The following ZNF79 variants were observed in gnomAD, a reference collection of about 807,000 sequenced individuals.
The protein encoded by ZNF79 is ZNFpT7.
In ZNF79, 13 loss-of-function variants were observed where a neutral mutation model predicts 14.9. That is an observed-to-expected ratio of 0.87 (90% CI 0.57 to 1.38). ZNF79 has a LOEUF of 1.38. Ranked by LOEUF, ZNF79 falls within the 40% of genes most tolerant of loss-of-function variation. ZNF79 has a pLI of 0.00. For synonymous variants in ZNF79, 223 were observed against 235.1 expected (o/e 0.95, Z 0.47); for missense variants, 631 against 630.6 (o/e 1.00, Z -0.01).
At position 127,431,998 on chromosome 9, in the gene ZNF79, G is replaced by A. The variant is rs185916009; in HGVS notation, c.105+3078G>A. Among the ~76,000 whole-genome samples, 3 of 152,290 alleles carry A rather than the reference G, an allele frequency of 2.0e-5. No homozygotes were observed. In the East Asian group the frequency reaches 5.8e-4, roughly 29 times the overall value. On this transcript the variant is annotated intron_variant, in intron 2 of 4. Coordinates refer to ENST00000342483, the MANE Select transcript of ZNF79 (RefSeq NM_007135.3). ...GTTTGTTTCACGTAGTCCTATGAGA[G>A]TAGGAACTGTCCTTTTTTCTTGACT...
At chr9:127,427,160 G>A (rs931524877) in intron 1 of ZNF79, among the ~76,000 whole-genome samples, 5 of 151,114 alleles carry the variant, frequency 3.3e-5, no homozygotes, top group African/African-American at 1.2e-4. Flanking sequence ...GCTCACACCT[G>A]TAATCCCAGC....
intron 1 of ZNF79, 111 bp downstream of exon 1, chr9:127,424,914 G>T (rs1392785740): frequency 1.9e-6 from 3 of 1,558,306 alleles, no homozygotes; most frequent in African/African-American, 2.7e-5. Context: ...CCTACAGGTA[G>T]TTGGAGACAA....
At chr9:127,436,587 C>T (rs6478776) in intron 4 of ZNF79, among the ~76,000 whole-genome samples, 88,369 of 152,176 alleles carry the variant, frequency 0.58, 26,032 homozygotes, top group Middle Eastern at 0.62. Flanking sequence ...TTACCACCCA[C>T]GTACAGCTGC....
chr9:127,432,939 A>T (rs997414417), intron 2 of ZNF79, among the ~76,000 whole-genome samples: 1 of 152,052 alleles, frequency 6.6e-6, no homozygotes, highest in Non-Finnish European at 1.5e-5. Context: ...GATTTTAAAT[A>T]TTTTTTAGTT....
Position 127,426,396 on chromosome 9 carries a change from C to CA in ZNF79, c.16+1593_16+1594insA, listed in dbSNP as rs1373428593. Among the ~76,000 whole-genome samples the CA allele has an allele frequency of 2.2e-3, 268 of 121,034 alleles. 4 individuals are homozygous for CA. Among genetic ancestry groups the CA allele is most frequent in the African/African-American group, 8.4e-3 (263 of 31,394 alleles). 79.4% of individuals were successfully genotyped at this position (121,034 alleles called of 152,430 possible). ...ACTTTTTTTTTTTTTTTTTTTGAGACGGAGTTTTGCTCTTGTTGCCCAGGC... is the reference window on the plus strand; with the variant it reads ...ACTTTTTTTTTTTTTTTTTTTGAGACAGGAGTTTTGCTCTTGTTGCCCAGGC... On this transcript the variant is annotated intron_variant, in intron 1 of 4. Coordinates refer to ENST00000342483, the MANE Select transcript of ZNF79 (RefSeq NM_007135.3).
At chr9:127,443,501 G>A (rs11790810) in intron 4 of ZNF79, among the ~76,000 whole-genome samples, 6 of 152,252 alleles carry the variant, frequency 3.9e-5, no homozygotes, top group East Asian at 1.9e-4. Flanking sequence ...GACTGGCAGC[G>A]CAGTAAGTTT....
intron 2 of ZNF79, 60 bp downstream of exon 2, chr9:127,428,980 G>C (rs975333488): frequency 1.6e-5 from 19 of 1,167,292 alleles, no homozygotes; most frequent in Non-Finnish European, 2.1e-5. Flanking sequence ...CTAATGGTAG[G>C]GTTGCCTTGT....
chr9:127,436,283 G>A (rs538403208), intron 4 of ZNF79, among the ~76,000 whole-genome samples: 8 of 152,178 alleles, frequency 5.3e-5, no homozygotes, highest in Non-Finnish European at 1.0e-4. Flanking sequence ...GGTGTTTGGG[G>A]GCACGTGTGA....
chr9:127,435,552 G>A (rs1588073061), intron 3 of ZNF79, among the ~76,000 whole-genome samples: 1 of 152,174 alleles, frequency 6.6e-6, no homozygotes, highest in Non-Finnish European at 1.5e-5. Flanking sequence ...CCTTGAGGCT[G>A]TTTCCTAGCT....
Position 127,436,013 on chromosome 9 carries a change from C to G in ZNF79, c.328+10C>G, listed in dbSNP as rs1231582523. 6.2e-6 allele frequency: 10 copies of G among 1,613,062 alleles called. No homozygotes were observed. Among genetic ancestry groups the G allele is most frequent in the African/African-American group, 1.3e-5 (1 of 74,920 alleles). On this transcript the variant is annotated intron_variant, in intron 4 of 4. Transcript: ENST00000342483. ...CGAAGTCCCTCTCCAGGTATGTGAGCAAGCACTTAGCCAGTGGGAGTCTTG... is the reference window on the plus strand; with the variant it reads ...CGAAGTCCCTCTCCAGGTATGTGAGGAAGCACTTAGCCAGTGGGAGTCTTG...
chr9:127,431,259 CTT>C (rs1186290725), intron 2 of ZNF79, among the ~76,000 whole-genome samples: 18 of 138,152 alleles, frequency 1.3e-4, no homozygotes, highest in East Asian at 2.1e-4. Flanking sequence ...TTTTTCTTTT[CTT>C]TTTTTTTTTT....
intron 1 of ZNF79, among the ~76,000 whole-genome samples, chr9:127,427,247 G>A (rs1456885351): frequency 7.0e-6 from 1 of 142,010 alleles, no homozygotes; most frequent in Admixed American, 7.5e-5. Flanking sequence ...GTGAAACCCC[G>A]TCTACTAAAA....
rs1833714463 is a variant in ZNF79 at position 127,424,578 on chromosome 9, C to T, written c.-210C>T. 4 of 570,190 alleles carry T rather than the reference C, an allele frequency of 7.0e-6. No homozygotes were observed. The highest frequency in any genetic ancestry group is 3.1e-6 in the Non-Finnish European group (1 of 325,650). 35.3% of individuals were successfully genotyped at this position (570,190 alleles called of 1,614,324 possible). ...CAAAGAGTGGCTGTGACTCGGGAGA[C>T]GGAGTGGAACACCCGGCTGGGCAGG... On this transcript the variant is annotated 5_prime_UTR_variant, in exon 1 of 5. It adds an upstream start codon to the 5' untranslated region. Transcript: ENST00000342483.
chr9:127,432,111 A>G (rs192495072), intron 2 of ZNF79, among the ~76,000 whole-genome samples: 6 of 140,864 alleles, frequency 4.3e-5, no homozygotes, highest in African/African-American at 1.0e-4. Flanking sequence ...TTTTTTCTTT[A>G]TTAATCTTTT....
At chr9:127,442,165 C>T (rs946521263) in intron 4 of ZNF79, among the ~76,000 whole-genome samples, 7 of 150,808 alleles carry the variant, frequency 4.6e-5, no homozygotes, top group African/African-American at 1.7e-4. Context: ...CTTTGGGAGG[C>T]CGAGGTGAGT....
chr9:127,438,403 TG>T (rs1408505731), intron 4 of ZNF79, among the ~76,000 whole-genome samples: 3 of 152,076 alleles, frequency 2.0e-5, no homozygotes, highest in South Asian at 2.1e-4. Context: ...GGACGAGGGG[TG>T]GGGAAGGTGC....
At chr9:127,439,191 AC>A (rs1834004688) in intron 4 of ZNF79, among the ~76,000 whole-genome samples, 1 of 151,868 alleles carries the variant, frequency 6.6e-6, no homozygotes, top group African/African-American at 2.4e-5. Context: ...ACACACACAC[AC>A]ACACACACAC....
intron 4 of ZNF79, 103 bp downstream of exon 4, chr9:127,436,106 T>C: frequency 1.1e-6 from 1 of 932,164 alleles, no homozygotes; most frequent in Non-Finnish European, 1.7e-6. Flanking sequence ...AGGTAGGCGC[T>C]ATTACCCCCA....
Position 127,444,536 on chromosome 9 carries a change from GC to G in ZNF79, c.837del (p.Cys279Ter). On this transcript the variant is annotated frameshift_variant, in exon 5 of 5. Transcript: ENST00000342483. LOFTEE classifies it low-confidence loss of function (END_TRUNC). ...CACACCGGAGAGAAGCCCTACAGAT[GC>G]AGCGAGTGTGAGAAAGCCTTCAGTG... Reference protein sequence around the residue: ...RTHTGEKPYRCSECEKAFSDC... With the variant: ...RTHTGEKPYRXSECEKAFSDC... 6.2e-7 allele frequency: 1 copy of G among 1,614,192 alleles called. No individual in the cohort carries two copies. Among genetic ancestry groups the G allele is most frequent in the South Asian group, 1.1e-5 (1 of 91,086 alleles).
Sources: gnomAD v4.1 joint callset for allele counts (sites outside exome capture counted in the v4.1 genomes callset) on GRCh38, gnomAD v4.1.1 for gene constraint, MANE v1.5 for transcripts, NCBI Gene and HGNC (gene_info 2026-07-23, HGNC 2026-07-21) for gene names.